Variants in ACMSD observed in about 807,000 individuals in gnomAD.
ACMSD encodes the protein aminocarboxymuconate semialdehyde decarboxylase.
Under a neutral mutation model 45.9 loss-of-function variants are expected in ACMSD, and 37 were observed. The ratio of observed to expected loss-of-function variants is 0.81; its 90% CI spans 0.62 to 1.06. The LOEUF is 1.06. ACMSD is among the 50% of genes least tolerant of loss of function. ACMSD has a pLI of 0.00. For synonymous variants in ACMSD, 138 were observed against 148.8 expected, an observed-to-expected ratio of 0.93 and a Z score of 0.53; for missense variants, 434 against 420.9, an observed-to-expected ratio of 1.03 and a Z score of -0.27.
chr2:134,901,260 G>A (rs1167417381), intron 9 of ACMSD, among the ~76,000 whole-genome samples: 1 of 152,186 alleles, frequency 6.6e-6, no homozygotes, highest in East Asian at 1.9e-4. Context: ...ATAGTTTATA[G>A]CTGGGGAGTC....
At position 134,867,614 on chromosome 2, in the gene ACMSD, T is replaced by G; in HGVS notation, c.522T>G (p.His174Gln). Residue 174 changes from histidine to glutamine, a missense_variant, in exon 6 of 10, where the codon CAT becomes CAG. Transcript: ENST00000356140. ...GGCTGAAGTGTTCCCTGTTCGTGCA[T>G]CCCTGGGACATGCAGATGGATGGAC... ...AERLKCSLFVHPWDMQMDGRM... is the reference protein window; with the variant it reads ...AERLKCSLFVQPWDMQMDGRM... The G allele has an allele frequency of 5.0e-6, 8 of 1,614,044 alleles. No homozygotes were observed. The highest frequency in any genetic ancestry group is 6.8e-6 in the Non-Finnish European group (8 of 1,179,958).
At chr2:134,869,152 T>C (rs1688288289) in intron 6 of ACMSD, 1 of 152,152 alleles carries the variant, frequency 6.6e-6, no homozygotes, top group Non-Finnish European at 1.5e-5. Context: ...GCCATCAAGC[T>C]TCAAAGAAAA....
chr2:134,867,614 T>C lies in ACMSD; in HGVS notation c.522T>C (p.His174=), dbSNP rs747995640. The change falls in exon 6 of 10, where the codon CAT becomes CAC. Residue 174 remains histidine, a synonymous_variant. Coordinates refer to ENST00000356140, the MANE Select transcript of ACMSD (RefSeq NM_138326.3). The part of the protein sequence containing the change: ...AERLKCSLFV[H]PWDMQMDGRM... ...GGCTGAAGTGTTCCCTGTTCGTGCATCCCTGGGACATGCAGATGGATGGAC... is the reference window on the plus strand; with the variant it reads ...GGCTGAAGTGTTCCCTGTTCGTGCACCCCTGGGACATGCAGATGGATGGAC... 12 of 1,613,926 alleles carry C rather than the reference T, an allele frequency of 7.4e-6. No homozygotes were observed. In the Admixed American group the frequency reaches 2.0e-4, roughly 27 times the overall value.
At chr2:134,853,165 T>C (rs947536013) in intron 2 of ACMSD, among the ~76,000 whole-genome samples, 1 of 78,084 alleles carries the variant, frequency 1.3e-5, no homozygotes, top group African/African-American at 5.8e-5. Context: ...TCCATCTCAA[T>C]CTAAAAAAAA....
intron 8 of ACMSD, chr2:134,872,940 G>T: frequency 3.2e-6 from 1 of 314,506 alleles, no homozygotes; most frequent in Non-Finnish European, 6.1e-6. Context: ...ATCCCTATAT[G>T]CACCCAAAAT....
At chr2:134,881,133 T>C (rs1389496683) in intron 8 of ACMSD, among the ~76,000 whole-genome samples, 3 of 152,210 alleles carry the variant, frequency 2.0e-5, no homozygotes, top group African/African-American at 7.2e-5. Flanking sequence ...CCTGAGTAGC[T>C]GGGATTACAG....
At chr2:134,880,421 T>C (rs1688973969) in intron 8 of ACMSD, among the ~76,000 whole-genome samples, 1 of 152,234 alleles carries the variant, frequency 6.6e-6, no homozygotes, top group African/African-American at 2.4e-5. Flanking sequence ...CTGCTTTTTC[T>C]CTCTAGAATT....
At position 134,881,268 on chromosome 2, in the gene ACMSD, C is replaced by T. The variant is rs545637720; in HGVS notation, c.849+8627C>T. Among the ~76,000 whole-genome samples the T allele has an allele frequency of 1.1e-4, 17 of 152,262 alleles. No homozygotes were observed. The East Asian group carries it at 2.9e-3, about 26-fold the overall frequency. The stretch of plus-strand genomic sequence containing the variant: ...TGCCTGCCTCAGCCTCCCAAAGTTC[C>T]GGGATTACAGGCATGTGCCACTGCA... On this transcript the variant is annotated intron_variant, in intron 8 of 9. Coordinates refer to ENST00000356140, the MANE Select transcript of ACMSD (RefSeq NM_138326.3).
chr2:134,873,915 A>G (rs951130238), intron 8 of ACMSD, among the ~76,000 whole-genome samples: 2 of 152,210 alleles, frequency 1.3e-5, no homozygotes, highest in Non-Finnish European at 1.5e-5. Context: ...AGGAAGAGGG[A>G]AAATCATGTG....
In ACMSD at chr2:134,885,349, A is replaced by AAT. The variant is rs1319628085; in HGVS notation, c.849+12715_849+12716dup. ...TATATGTAAATATATATTTATATAT[A>AAT]ATATATATTTACATATATATTATAT... On this transcript the variant is annotated intron_variant, in intron 8 of 9. Transcript: ENST00000356140. Among the ~76,000 whole-genome samples, 83 of 104,928 alleles carry AAT rather than the reference A, an allele frequency of 7.9e-4. 1 individual carries two copies. In the East Asian group the frequency reaches 0.011, roughly 14 times the overall value. 68.8% of individuals were successfully genotyped at this position (104,928 alleles called of 152,430 possible). A position where few individuals can be genotyped will look rare whatever the true frequency, so the allele number is the denominator to read the frequency against.
At chr2:134,885,800 G>T (rs572630886) in intron 8 of ACMSD, among the ~76,000 whole-genome samples, 1 of 152,030 alleles carries the variant, frequency 6.6e-6, no homozygotes, top group Non-Finnish European at 1.5e-5. Flanking sequence ...ATAATCAGTC[G>T]AGTGGGTTTC....
chr2:134,863,608 CAGG>C lies in ACMSD; in HGVS notation c.466_468del (p.Glu156del). ...CGTCAACGAGTGGGACCTGAACGCG[CAGG>C]AGCTCTTTCCTGTCTATGCGGTGAG... On this transcript the variant is annotated inframe_deletion, in exon 5 of 10. Coordinates refer to ENST00000356140, the MANE Select transcript of ACMSD (RefSeq NM_138326.3). The C allele has an allele frequency of 6.2e-7, 1 of 1,614,186 alleles. No homozygotes were observed. Among genetic ancestry groups the C allele is most frequent in the Non-Finnish European group, 8.5e-7 (1 of 1,180,022 alleles).
chr2:134,889,430 A>G (rs1231924628), intron 8 of ACMSD, among the ~76,000 whole-genome samples: 1 of 152,150 alleles, frequency 6.6e-6, no homozygotes, highest in Non-Finnish European at 1.5e-5. Context: ...GAGCTAGAAC[A>G]TTTTGTACCT....
At chr2:134,859,607 G>T in intron 3 of ACMSD, 1 of 338,188 alleles carries the variant, frequency 3.0e-6, no homozygotes, top group Non-Finnish European at 5.3e-6. Context: ...AGATAAAAAT[G>T]GCATTTTATT....
chr2:134,853,701 T>C lies in ACMSD; in HGVS notation c.103-5560T>C, dbSNP rs192219729. On this transcript the variant is annotated intron_variant, in intron 2 of 9. Transcript: ENST00000356140. ...GGCTGTCAGCTCTCAAAATTCCAGCTGGAAAAAAAAAACCAATGAGAACTG... is the reference window on the plus strand; with the variant it reads ...GGCTGTCAGCTCTCAAAATTCCAGCCGGAAAAAAAAAACCAATGAGAACTG... Among the ~76,000 whole-genome samples, 481 of 151,680 alleles carry C rather than the reference T, an allele frequency of 3.2e-3. 3 individuals are homozygous for C. The highest frequency in any genetic ancestry group is 4.9e-3 in the Admixed American group (74 of 15,240).
At chr2:134,871,755 CA>C (rs1455170757) in intron 7 of ACMSD, among the ~76,000 whole-genome samples, 1 of 151,546 alleles carries the variant, frequency 6.6e-6, no homozygotes, top group African/African-American at 2.4e-5. Flanking sequence ...CTTTCCTCCT[CA>C]ACAGCATAGA....
chr2:134,868,959 T>G (rs571272810), intron 6 of ACMSD: 1 of 152,266 alleles, frequency 6.6e-6, no homozygotes, highest in African/African-American at 2.4e-5. Flanking sequence ...TGGGCCGTGG[T>G]CCCTCATCCG....
intron 8 of ACMSD, among the ~76,000 whole-genome samples, chr2:134,885,015 G>A (rs1411356049): frequency 6.6e-6 from 1 of 151,022 alleles, no homozygotes; most frequent in Non-Finnish European, 1.5e-5. Context: ...GGCCAACATG[G>A]TGAAACCCTG....
In ACMSD at chr2:134,872,581, C is replaced by A. The variant is rs1481672810; in HGVS notation, c.789C>A (p.Tyr263Ter). 4.3e-6 allele frequency: 7 copies of A among 1,614,146 alleles called. No homozygotes were observed. The highest frequency in any genetic ancestry group is 5.9e-6 in the Non-Finnish European group (7 of 1,180,028). The change falls in exon 8 of 10, where the codon TAC (tyrosine) becomes TAA (stop). Residue 263 changes from tyrosine (Y) to a stop codon, truncating the protein, a stop_gained. Transcript: ENST00000356140. LOFTEE classifies it high-confidence loss of function. ...MNPKKYLGSF[Y>*]TDALVHDPLS... Reference sequence around the variant, plus strand: ...CGAAGAAATACCTTGGTTCCTTTTACACAGATGCTTTGGTTCATGATCCTC... The same window carrying A: ...CGAAGAAATACCTTGGTTCCTTTTAAACAGATGCTTTGGTTCATGATCCTC...
Sources: gnomAD v4.1 joint callset for allele counts (sites outside exome capture counted in the v4.1 genomes callset) on GRCh38, gnomAD v4.1.1 for gene constraint, MANE v1.5 for transcripts, NCBI Gene and HGNC (gene_info 2026-07-23, HGNC 2026-07-21) for gene names.